HCK: variants seen among roughly 807,000 people sequenced by gnomAD.
HCK encodes HCK proto-oncogene, Src family tyrosine kinase, also known as tyrosine-protein kinase HCK.
Under a neutral mutation model 70.4 loss-of-function variants are expected in HCK, and 40 were observed. The ratio of observed to expected loss-of-function variants is 0.57; its 90% CI spans 0.44 to 0.74. The LOEUF (loss-of-function observed/expected upper bound fraction) is 0.74. Ranked by LOEUF, HCK falls within the 30% of genes least tolerant of loss-of-function variation. The pLI, the probability that HCK is intolerant of heterozygous loss-of-function variation, is 0.00. For synonymous variants in HCK, 245 were observed against 263.2 expected, an observed-to-expected ratio of 0.93 and a Z score of 0.67; for missense variants, 568 against 697.2, an observed-to-expected ratio of 0.81 and a Z score of 2.09.
chr20:32,079,725 A>T, intron 5 of HCK, 49 bp from the exon 6 acceptor site: 2 of 1,300,750 alleles, frequency 1.5e-6, no homozygotes, highest in African/African-American at 2.9e-5. Context: ...TAGGCCGGAC[A>T]GGACTGCATG....
intron 1 of HCK, among the ~76,000 whole-genome samples, chr20:32,064,310 A>T (rs1444120867): frequency 3.3e-5 from 5 of 152,070 alleles, no homozygotes; most frequent in Non-Finnish European, 2.9e-5. Context: ...CTCTGCTTCT[A>T]TTACTGCAAC....
At chr20:32,059,345 TCCC>T (rs1269953810) in intron 1 of HCK, among the ~76,000 whole-genome samples, 3 of 147,448 alleles carry the variant, frequency 2.0e-5, no homozygotes, top group Non-Finnish European at 3.0e-5. Context: ...CTTCTTTCCT[TCCC>T]CCCTTCTCCT....
At chr20:32,054,403 G>A in intron 1 of HCK, 1 of 409,792 alleles carries the variant, frequency 2.4e-6, no homozygotes, top group Admixed American at 2.6e-5. Context: ...TGAACCCGGG[G>A]AAGCAGAAGT....
chr20:32,056,182 G>T (rs753592493), intron 1 of HCK, among the ~76,000 whole-genome samples: 1 of 152,136 alleles, frequency 6.6e-6, no homozygotes, highest in Non-Finnish European at 1.5e-5. Context: ...ATTCCTTTGG[G>T]TATATACCTG....
At chr20:32,064,752 C>T (rs576393699) in intron 1 of HCK, among the ~76,000 whole-genome samples, 5 of 152,316 alleles carry the variant, frequency 3.3e-5, no homozygotes, top group East Asian at 3.9e-4. Context: ...GAGCACAGGC[C>T]GAGTCTCTGA....
In HCK at chr20:32,093,916, C is replaced by T; in HGVS notation, c.1146C>T (p.Leu382=). The T allele has an allele frequency of 6.2e-7, 1 of 1,614,134 alleles. No homozygotes were observed. The highest frequency in any genetic ancestry group is 8.5e-7 in the Non-Finnish European group (1 of 1,179,986). Residue 382 remains leucine (L), a synonymous_variant, in exon 11 of 13, where the codon CTC becomes CTT. Transcript: ENST00000375852. ...AGAGGAACTACATCCACCGAGACCTCCGAGCTGCCAACATCTTGGTCTCTG... is the reference window on the plus strand; with the variant it reads ...AGAGGAACTACATCCACCGAGACCTTCGAGCTGCCAACATCTTGGTCTCTG...
chr20:32,078,881 G>GAAAAA (rs2045668059), intron 5 of HCK, among the ~76,000 whole-genome samples: 1 of 91,068 alleles, frequency 1.1e-5, no homozygotes, highest in Non-Finnish European at 2.1e-5. Flanking sequence ...AAAAAAAAAG[G>GAAAAA]GGGGGAATGA....
intron 1 of HCK, among the ~76,000 whole-genome samples, chr20:32,069,422 C>T (rs747304023): frequency 2.6e-5 from 4 of 152,212 alleles, no homozygotes; most frequent in Non-Finnish European, 5.9e-5. Flanking sequence ...AGCTGCCCTA[C>T]CTCACACAGT....
intron 1 of HCK, among the ~76,000 whole-genome samples, chr20:32,066,242 A>C (rs1330592454): frequency 1.3e-5 from 2 of 149,646 alleles, no homozygotes; most frequent in African/African-American, 2.5e-5. Flanking sequence ...ACTCACCAAC[A>C]TACTATAGAT....
intron 10 of HCK, among the ~76,000 whole-genome samples, chr20:32,092,125 T>C (rs2045872694): frequency 6.6e-6 from 1 of 152,118 alleles, no homozygotes; most frequent in Admixed American, 6.5e-5. Flanking sequence ...GGTGCTTTGA[T>C]TGTTCTGTCT....
At chr20:32,088,770 A>G in intron 10 of HCK, 126 bp downstream of exon 10, 1 of 670,288 alleles carries the variant, frequency 1.5e-6, no homozygotes, top group East Asian at 2.6e-5. Context: ...TTGAGAGCTC[A>G]GTATAAAACT....
At position 32,052,356 on chromosome 20, in the gene HCK, GC is replaced by G; in HGVS notation, c.-64del. 1.7e-6 allele frequency: 2 copies of G among 1,143,308 alleles called. No individual in the cohort carries two copies. The highest frequency in any genetic ancestry group is 2.3e-6 in the Non-Finnish European group (2 of 882,634). 70.8% of individuals were successfully genotyped at this position (1,143,308 alleles called of 1,614,324 possible). ...CGGCACCAAAGCCCCTCAGAGCGTCGCCCCCGCCTCTAGTTCTAGAAAGTCA... is the reference window on the plus strand; with the variant it reads ...CGGCACCAAAGCCCCTCAGAGCGTCGCCCCGCCTCTAGTTCTAGAAAGTCA... On this transcript the variant is annotated 5_prime_UTR_variant, in exon 1 of 13. Transcript: ENST00000375852.
At chr20:32,089,575 G>C (rs995103819) in intron 10 of HCK, among the ~76,000 whole-genome samples, 2 of 152,194 alleles carry the variant, frequency 1.3e-5, no homozygotes, top group Non-Finnish European at 2.9e-5. Context: ...ATCTAACAAA[G>C]TAAATAATGT....
chr20:32,056,517 G>GA (rs369307656), intron 1 of HCK, among the ~76,000 whole-genome samples: 40,970 of 143,816 alleles, frequency 0.28, 5,825 homozygotes, highest in Admixed American at 0.38. Context: ...CTCCTTCTCA[G>GA]AAAAAAAAAA....
At chr20:32,098,086 C>T (rs1338838875) in intron 11 of HCK, among the ~76,000 whole-genome samples, 1 of 151,916 alleles carries the variant, frequency 6.6e-6, no homozygotes, top group East Asian at 1.9e-4. Flanking sequence ...CTGACTCTAT[C>T]ATCCAGGCTG....
chr20:32,086,755 T>C lies in HCK; in HGVS notation c.963T>C (p.His321=), dbSNP rs1377399509. Residue 321 remains histidine, a synonymous_variant, in exon 9 of 13, where the codon CAT becomes CAC. Coordinates refer to ENST00000375852, the MANE Select transcript of HCK (RefSeq NM_002110.5). ...AGCATGACAAGCTGGTCAAACTTCA[T>C]GCGGTGGTCACCAAGGAGCCCATCT... 3 of 1,605,160 alleles carry C rather than the reference T, an allele frequency of 1.9e-6. No individual in the cohort carries two copies. Among genetic ancestry groups the C allele is most frequent in the Admixed American group, 3.4e-5 (2 of 59,006 alleles).
chr20:32,088,723 C>T (rs2045824586), intron 10 of HCK, 79 bp downstream of exon 10: 2 of 987,802 alleles, frequency 2.0e-6, no homozygotes, highest in South Asian at 1.3e-5. Flanking sequence ...TGACCACATA[C>T]TATGATGATA....
intron 6 of HCK, among the ~76,000 whole-genome samples, 180 bp downstream of exon 6, chr20:32,080,057 GCTC>G (rs1379285670): frequency 6.6e-6 from 1 of 152,208 alleles, no homozygotes; most frequent in Non-Finnish European, 1.5e-5. Context: ...TCTGTGCCTG[GCTC>G]TGCCCTTCTT....
chr20:32,094,932 T>C (rs1269629185), intron 11 of HCK, among the ~76,000 whole-genome samples: 2 of 151,344 alleles, frequency 1.3e-5, no homozygotes, highest in Non-Finnish European at 2.9e-5. Flanking sequence ...ATGAAAGAAA[T>C]TAGACCAAAA....
Sources: gnomAD v4.1 joint callset for allele counts (sites outside exome capture counted in the v4.1 genomes callset) on GRCh38, gnomAD v4.1.1 for gene constraint, MANE v1.5 for transcripts, NCBI Gene and HGNC (gene_info 2026-07-23, HGNC 2026-07-21) for gene names.